The following GALNT13 variants were observed in gnomAD, a reference collection of about 807,000 sequenced individuals.
The protein encoded by GALNT13 is polypeptide N-acetylgalactosaminyltransferase 13.
GALNT13 carries 28 observed loss-of-function variants against 64.2 expected under a neutral mutation model. That is an observed-to-expected ratio of 0.44 (90% confidence interval 0.32 to 0.60). The LOEUF (loss-of-function observed/expected upper bound fraction) is 0.60, where lower values mean the gene tolerates loss of function less well. Ranked by LOEUF, GALNT13 falls within the 20% of genes least tolerant of loss-of-function variation. GALNT13 has a pLI of 0.05. For missense variants in GALNT13, 577 were observed against 669.8 expected (o/e 0.86, Z 1.53); for synonymous variants, 214 against 224.6 (o/e 0.95, Z 0.42).
intron 8 of GALNT13, among the ~76,000 whole-genome samples, chr2:154,278,842 TAAG>T (rs1691800689): frequency 1.3e-5 from 2 of 151,954 alleles, no homozygotes; most frequent in South Asian, 4.1e-4. Context: ...TGCCCGCAAA[TAAG>T]AAGGAAAAAT....
intron 9 of GALNT13, among the ~76,000 whole-genome samples, chr2:154,394,072 C>T (rs866241760): frequency 2.2e-4 from 5 of 22,530 alleles, no homozygotes; most frequent in South Asian, 2.3e-3. Flanking sequence ...AGCGAGACTC[C>T]GTCTCAAAAA....
At chr2:154,413,192 G>A (rs959527216) in intron 11 of GALNT13, among the ~76,000 whole-genome samples, 1 of 151,800 alleles carries the variant, frequency 6.6e-6, no homozygotes, top group Non-Finnish European at 1.5e-5. Flanking sequence ...AATGTCTGCA[G>A]ACATCTCAAA....
At chr2:153,665,612 T>C in the GALNT13 span, among the ~76,000 whole-genome samples, 3 of 151,936 alleles carry the variant, frequency 2.0e-5, no homozygotes, top group Non-Finnish European at 4.4e-5. Context: ...CATTTAAAGA[T>C]AAAAAGGGGG....
the GALNT13 span, among the ~76,000 whole-genome samples, chr2:153,750,552 T>C: frequency 6.6e-6 from 1 of 151,808 alleles, no homozygotes; most frequent in African/African-American, 2.4e-5. Context: ...TCAGTCTTTG[T>C]ACGTTGTATG....
chr2:153,578,557 A>G, the GALNT13 span, among the ~76,000 whole-genome samples: 1 of 152,224 alleles, frequency 6.6e-6, no homozygotes, highest in Non-Finnish European at 1.5e-5. Context: ...ACCCATCAAA[A>G]GGTGGAAATA....
chr2:153,782,358 A>T, the GALNT13 span, among the ~76,000 whole-genome samples: 1 of 152,184 alleles, frequency 6.6e-6, no homozygotes, highest in Non-Finnish European at 1.5e-5. Context: ...TATATGGTAT[A>T]GCCTATTCCT....
the GALNT13 span, among the ~76,000 whole-genome samples, chr2:153,450,154 C>G: frequency 6.6e-6 from 1 of 152,158 alleles, no homozygotes; most frequent in Admixed American, 6.6e-5. Flanking sequence ...TGTAACCACT[C>G]TGACTTGTCA....
At chr2:153,541,035 AG>A in the GALNT13 span, among the ~76,000 whole-genome samples, 8 of 152,104 alleles carry the variant, frequency 5.3e-5, no homozygotes, top group African/African-American at 1.9e-4. Context: ...GAGAGGGGCC[AG>A]GGGTGGAATG....
At chr2:154,236,019 A>AT (rs1329153064) in intron 4 of GALNT13, 10 of 1,210,120 alleles carry the variant, frequency 8.3e-6, no homozygotes, top group Non-Finnish European at 1.1e-5. Flanking sequence ...AGCTGGATTT[A>AT]TTTTTTATAT....
chr2:154,212,804 G>A (rs1034000667), intron 4 of GALNT13, among the ~76,000 whole-genome samples: 5 of 151,802 alleles, frequency 3.3e-5, no homozygotes, highest in African/African-American at 1.2e-4. Context: ...GAGGTTGCCA[G>A]TGAAGGTAAT....
intron 8 of GALNT13, among the ~76,000 whole-genome samples, chr2:154,282,773 C>T (rs533175614): frequency 6.6e-6 from 1 of 152,298 alleles, no homozygotes; most frequent in Non-Finnish European, 1.5e-5. Context: ...CCTCTGGCTT[C>T]TGGCAGGTGA....
At chr2:153,809,965 T>C in the GALNT13 span, among the ~76,000 whole-genome samples, 1 of 152,036 alleles carries the variant, frequency 6.6e-6, no homozygotes, top group South Asian at 2.1e-4. Flanking sequence ...TTTTTTGTTT[T>C]GTTTTGTTTT....
the GALNT13 span, among the ~76,000 whole-genome samples, chr2:153,583,285 G>A: frequency 6.6e-6 from 1 of 152,222 alleles, no homozygotes; most frequent in African/African-American, 2.4e-5. Context: ...AAGAAATAAT[G>A]GAAATGAAAT....
At chr2:154,259,355 ATTG>A (rs1026169735) in intron 8 of GALNT13, among the ~76,000 whole-genome samples, 9 of 152,296 alleles carry the variant, frequency 5.9e-5, no homozygotes, top group African/African-American at 2.2e-4. Context: ...TTTCAAAAAT[ATTG>A]TTTTTATTCA....
chr2:153,654,437 TTTTA>T, the GALNT13 span, among the ~76,000 whole-genome samples: 1 of 151,980 alleles, frequency 6.6e-6, no homozygotes, highest in Non-Finnish European at 1.5e-5. Context: ...TGTTAAAAGG[TTTTA>T]TTTGTTTGAA....
At chr2:153,513,065 A>G in the GALNT13 span, among the ~76,000 whole-genome samples, 5 of 152,240 alleles carry the variant, frequency 3.3e-5, no homozygotes, top group Admixed American at 6.5e-5. Context: ...CCAGCATAGT[A>G]TTGAATTTTA....
chr2:153,454,228 A>G, the GALNT13 span, among the ~76,000 whole-genome samples: 1 of 152,150 alleles, frequency 6.6e-6, no homozygotes, highest in Non-Finnish European at 1.5e-5. Context: ...ATCACAAAAT[A>G]TACCCAGGTA....
At chr2:153,219,225 C>T in the GALNT13 span, among the ~76,000 whole-genome samples, 1 of 152,088 alleles carries the variant, frequency 6.6e-6, no homozygotes, top group Non-Finnish European at 1.5e-5. Flanking sequence ...AGCTAGAGGG[C>T]CTAAGATGGT....
At chr2:153,112,244 C>T in the GALNT13 span, among the ~76,000 whole-genome samples, 1 of 152,078 alleles carries the variant, frequency 6.6e-6, no homozygotes, top group Non-Finnish European at 1.5e-5. Flanking sequence ...CTACTCCTTC[C>T]TTTATTTCTT....
Sources: gnomAD v4.1 joint callset for allele counts (sites outside exome capture counted in the v4.1 genomes callset) on GRCh38, gnomAD v4.1.1 for gene constraint, MANE v1.5 for transcripts, NCBI Gene and HGNC (gene_info 2026-07-23, HGNC 2026-07-21) for gene names.